The following COLEC10 variants were observed in gnomAD, a reference collection of about 807,000 sequenced individuals.
COLEC10 encodes the protein collectin subfamily member 10.
A neutral mutation model predicts 28.4 loss-of-function variants in COLEC10; 22 were observed. That is an observed-to-expected ratio of 0.78 (90% CI 0.55 to 1.11). COLEC10 has a LOEUF of 1.11. Among genes scored for constraint, COLEC10 ranks in the 50% least tolerant of loss-of-function variants. COLEC10 has a pLI of 0.00. For missense variants in COLEC10, 361 were observed against 344.1 expected, an observed-to-expected ratio of 1.05 and a Z score of -0.39; for synonymous variants, 125 against 116.1, an observed-to-expected ratio of 1.08 and a Z score of -0.49.
chr8:119,092,295 C>A (rs1815623777), intron 3 of COLEC10, among the ~76,000 whole-genome samples: 1 of 152,052 alleles, frequency 6.6e-6, no homozygotes, highest in Non-Finnish European at 1.5e-5. Context: ...TGGTCTCGAT[C>A]TTCTGACCTC....
intron 1 of COLEC10, among the ~76,000 whole-genome samples, 183 bp from the exon 2 acceptor site, chr8:119,089,496 TG>T (rs1455065728): frequency 6.6e-6 from 1 of 152,208 alleles, no homozygotes; most frequent in African/African-American, 2.4e-5. Flanking sequence ...AAAAATATAC[TG>T]GAAGTTTCTT....
chr8:119,016,189 C>T (rs1229068065), intron 2 of COLEC10, among the ~76,000 whole-genome samples: 1 of 152,114 alleles, frequency 6.6e-6, no homozygotes, highest in East Asian at 1.9e-4. Context: ...GCCCCCAAAC[C>T]CCTGACAGGC....
intron 1 of COLEC10, among the ~76,000 whole-genome samples, chr8:119,006,801 G>T (rs1280881997): frequency 1.3e-5 from 2 of 151,812 alleles, no homozygotes; most frequent in Non-Finnish European, 1.5e-5. Flanking sequence ...CAACTAATTT[G>T]CATCTCCACT....
chr8:119,002,985 C>A (rs1036266354), intron 1 of COLEC10, among the ~76,000 whole-genome samples: 6 of 152,190 alleles, frequency 3.9e-5, no homozygotes, highest in African/African-American at 1.4e-4. Context: ...TAAGTTTTTT[C>A]TCCATTGGCT....
chr8:119,048,093 G>T (rs1035917824), intron 2 of COLEC10, among the ~76,000 whole-genome samples: 6 of 152,222 alleles, frequency 3.9e-5, no homozygotes, highest in Middle Eastern at 3.4e-3. Context: ...TTGCATTCAG[G>T]TATTAAGCCT....
chr8:118,964,125 G>C, the COLEC10 span, among the ~76,000 whole-genome samples: 1 of 152,184 alleles, frequency 6.6e-6, no homozygotes, highest in East Asian at 1.9e-4. Context: ...CATCAAAGCT[G>C]ACACCAGGGG....
intron 1 of COLEC10, among the ~76,000 whole-genome samples, chr8:119,087,165 A>G (rs1815496097): frequency 6.6e-6 from 1 of 152,326 alleles, no homozygotes; most frequent in African/African-American, 2.4e-5. Flanking sequence ...TGGTTCACAC[A>G]AAGTGTATTC....
chr8:119,059,504 T>C (rs1814817770), intron 2 of COLEC10, among the ~76,000 whole-genome samples: 2 of 152,088 alleles, frequency 1.3e-5, no homozygotes, highest in Admixed American at 1.3e-4. Flanking sequence ...TAACAATCAA[T>C]GAACCATTAA....
In COLEC10 at chr8:119,069,605, C is replaced by CAAAAAAAAA. The variant is rs138362458; in HGVS notation, c.148+2193_148+2201dup. Among the ~76,000 whole-genome samples, 8 of 8,800 alleles carry CAAAAAAAAA rather than the reference C, an allele frequency of 9.1e-4. 1 individual carries two copies. In the East Asian group the frequency reaches 0.018, roughly 19 times the overall value. The allele number at this position is 8,800 out of a possible 152,430, so 5.8% of individuals were successfully genotyped here. A position where few individuals can be genotyped will look rare whatever the true frequency, so the allele number is the denominator to read the frequency against. ...TGGACAACAGAGTGAGACCCCATCT[C>CAAAAAAAAA]AAAAAAAAAAAAAAAAAAAAAAAAA... is the stretch of plus-strand genomic sequence containing the variant. On this transcript the variant is annotated intron_variant, in intron 1 of 5. Transcript: ENST00000332843.
At chr8:119,032,465 T>C (rs1814306007) in intron 2 of COLEC10, among the ~76,000 whole-genome samples, 2 of 152,184 alleles carry the variant, frequency 1.3e-5, no homozygotes. Context: ...TCAATTCATA[T>C]ATTCGTTAAA....
At chr8:119,076,311 G>C (rs1815235370) in intron 1 of COLEC10, among the ~76,000 whole-genome samples, 2 of 150,116 alleles carry the variant, frequency 1.3e-5, no homozygotes, top group African/African-American at 2.5e-5. Flanking sequence ...GCCCAGGCTG[G>C]AGAGCAATGG....
the COLEC10 span, among the ~76,000 whole-genome samples, chr8:118,978,015 A>G: frequency 6.6e-6 from 1 of 152,024 alleles, no homozygotes. Flanking sequence ...GAAAGACGTA[A>G]GAACTAGGAA....
chr8:119,061,700 C>T (rs1814858964), intron 2 of COLEC10, among the ~76,000 whole-genome samples: 1 of 151,902 alleles, frequency 6.6e-6, no homozygotes, highest in Admixed American at 6.6e-5. Context: ...AGTCCACTCT[C>T]TTTCAGGAAA....
In COLEC10 at chr8:119,106,427, T is replaced by TTAATTAC. The variant is rs761111129; in HGVS notation, c.*242_*248dup. The TTAATTAC allele has an allele frequency of 1.9e-4, 82 of 427,394 alleles. 1 individual carries two copies. Among genetic ancestry groups the TTAATTAC allele is most frequent in the Non-Finnish European group, 3.1e-4 (73 of 235,264 alleles). The allele number at this position is 427,394 out of a possible 1,614,324, so 26.5% of individuals were successfully genotyped here. On this transcript the variant is annotated 3_prime_UTR_variant, in exon 6 of 6. Transcript: ENST00000332843. ...GTTACATGGGTCTTGAGAGAGAATT[T>TTAATTAC]TAATTACTAATTGTGCACGAGATAG...
chr8:119,026,900 G>C (rs35746859), intron 2 of COLEC10, among the ~76,000 whole-genome samples: 97,958 of 151,966 alleles, frequency 0.64, 32,600 homozygotes, highest in African/African-American at 0.81. Context: ...CTGGGAAGGG[G>C]AGCATGACTT....
chr8:119,087,348 A>C (rs1193107702), intron 1 of COLEC10, among the ~76,000 whole-genome samples: 1 of 152,208 alleles, frequency 6.6e-6, no homozygotes, highest in East Asian at 1.9e-4. Context: ...AACAAAGGTA[A>C]TTAGAGGGAG....
the COLEC10 span, among the ~76,000 whole-genome samples, chr8:118,961,717 G>A: frequency 2.6e-5 from 4 of 152,240 alleles, no homozygotes; most frequent in African/African-American, 4.8e-5. Flanking sequence ...TGGCTTTGGC[G>A]CCTGGGTGGC....
chr8:119,074,079 C>T (rs373128861), intron 1 of COLEC10, among the ~76,000 whole-genome samples: 1 of 151,884 alleles, frequency 6.6e-6, no homozygotes, highest in East Asian at 1.9e-4. Flanking sequence ...TAAATGTCTT[C>T]ATCCATAAAA....
the COLEC10 span, among the ~76,000 whole-genome samples, chr8:118,977,396 T>G: frequency 1.4e-5 from 2 of 146,640 alleles, no homozygotes; most frequent in Non-Finnish European, 3.0e-5. Context: ...GTGGCACATA[T>G]ACACCATGGA....
Sources: gnomAD v4.1 joint callset for allele counts (sites outside exome capture counted in the v4.1 genomes callset) on GRCh38, gnomAD v4.1.1 for gene constraint, MANE v1.5 for transcripts, NCBI Gene and HGNC (gene_info 2026-07-23, HGNC 2026-07-21) for gene names.